Variants in CREB1 observed in about 807,000 individuals in gnomAD.
CREB1 encodes the protein cAMP responsive element binding protein 1, also known as cyclic AMP-responsive element-binding protein 1.
Under a neutral mutation model 42.0 loss-of-function variants are expected in CREB1, and 2 were observed. The observed-to-expected ratio is 0.05, with a 90% CI of 0.02 to 0.15. The LOEUF is 0.15. Ranked by LOEUF, CREB1 falls within the 10% of genes least tolerant of loss-of-function variation. The pLI is 1.00. For missense variants in CREB1, 199 were observed against 388.9 expected, an observed-to-expected ratio of 0.51 and a Z score of 4.11; for synonymous variants, 123 against 139.9, an observed-to-expected ratio of 0.88 and a Z score of 0.85.
intron 6 of CREB1, among the ~76,000 whole-genome samples, chr2:207,575,908 G>A (rs1574877079): frequency 8.7e-6 from 1 of 114,498 alleles, no homozygotes; most frequent in Non-Finnish European, 1.7e-5. Context: ...ACAATCTTCA[G>A]AAGTTCAGGA....
chr2:207,598,852 A>T lies in CREB1; in HGVS notation c.*1794A>T, dbSNP rs1315316850. 1.1e-4 allele frequency: 3 copies of T among 26,746 alleles called. No individual in the cohort carries two copies. The highest frequency in any genetic ancestry group is 1.9e-4 in the Non-Finnish European group (3 of 15,468). The allele number at this position is 26,746 out of a possible 1,614,324, so 1.7% of individuals were successfully genotyped here. On this transcript the variant is annotated 3_prime_UTR_variant, in exon 8 of 8. Transcript: ENST00000353267. Reference sequence around the variant, plus strand: ...GACTCCATCTCAAAAAATAAAAATAAAAAAAATGTCTCATTTGGGAAGGAA... The same window carrying T: ...GACTCCATCTCAAAAAATAAAAATATAAAAAATGTCTCATTTGGGAAGGAA...
intron 1 of CREB1, among the ~76,000 whole-genome samples, chr2:207,539,998 A>G (rs2081030637): frequency 6.6e-6 from 1 of 152,232 alleles, no homozygotes; most frequent in African/African-American, 2.4e-5. Context: ...CAGGAATACA[A>G]TGATAAATTG....
At chr2:207,535,691 C>G (rs1321514494) in intron 1 of CREB1, among the ~76,000 whole-genome samples, 1 of 151,826 alleles carries the variant, frequency 6.6e-6, no homozygotes. Context: ...TTTGGTCAAC[C>G]AGTTGGACCA....
At position 207,530,896 on chromosome 2, in the gene CREB1, C is replaced by G. The variant is rs74987085; in HGVS notation, c.-9+762C>G. Among the ~76,000 whole-genome samples the G allele has an allele frequency of 1.2e-3, 183 of 151,754 alleles. 1 individual carries two copies. The highest frequency in any genetic ancestry group is 4.1e-3 in the African/African-American group (168 of 41,434). ...TACACCGTTGAGGAAATGCTGCTTT[C>G]TGCCCTGTGTTGCTTAGTTGAGAGA... On this transcript the variant is annotated intron_variant, in intron 1 of 7. Transcript: ENST00000353267.
chr2:207,574,749 A>G (rs1367334348), intron 5 of CREB1, among the ~76,000 whole-genome samples: 1 of 152,222 alleles, frequency 6.6e-6, no homozygotes, highest in Admixed American at 6.5e-5. Context: ...AGATACCATT[A>G]AAGAATTTCT....
At chr2:207,552,433 C>G (rs2081544889) in intron 1 of CREB1, among the ~76,000 whole-genome samples, 1 of 151,872 alleles carries the variant, frequency 6.6e-6, no homozygotes, top group South Asian at 2.1e-4. Context: ...TAGGGTAAAA[C>G]TACGCATACC....
intron 1 of CREB1, among the ~76,000 whole-genome samples, chr2:207,543,801 C>T (rs2081193656): frequency 6.6e-6 from 1 of 152,092 alleles, no homozygotes; most frequent in Non-Finnish European, 1.5e-5. Flanking sequence ...GACAGGGTTT[C>T]ACCATGTTGG....
chr2:207,576,329 T>C (rs1008301594), intron 6 of CREB1, among the ~76,000 whole-genome samples: 4 of 151,460 alleles, frequency 2.6e-5, no homozygotes, highest in African/African-American at 9.7e-5. Flanking sequence ...TGGATTTGTT[T>C]GAATATTTCA....
At chr2:207,562,222 T>C (rs1574840201) in intron 3 of CREB1, among the ~76,000 whole-genome samples, 1 of 152,208 alleles carries the variant, frequency 6.6e-6, no homozygotes, top group Non-Finnish European at 1.5e-5. Flanking sequence ...TGAGGAGACC[T>C]AGATTCCAGA....
chr2:207,590,123 A>G (rs941855218), intron 7 of CREB1, among the ~76,000 whole-genome samples: 2 of 125,928 alleles, frequency 1.6e-5, no homozygotes, highest in Admixed American at 1.9e-4. Context: ...ATACGGGATC[A>G]TTCAGACTAT....
intron 7 of CREB1, among the ~76,000 whole-genome samples, chr2:207,588,297 ATT>A (rs1559068784): frequency 6.6e-6 from 1 of 152,076 alleles, no homozygotes; most frequent in Non-Finnish European, 1.5e-5. Flanking sequence ...TGAAAAGACT[ATT>A]CTTTCTCTAT....
chr2:207,542,605 T>C (rs1400375752), intron 1 of CREB1, among the ~76,000 whole-genome samples: 1 of 152,206 alleles, frequency 6.6e-6, no homozygotes, highest in African/African-American at 2.4e-5. Flanking sequence ...CTCCTGTGGG[T>C]TGTCTTCACT....
Position 207,604,467 on chromosome 2 carries a change from C to G in CREB1, c.*7409C>G, listed in dbSNP as rs979039292. On this transcript the variant is annotated 3_prime_UTR_variant, in exon 8 of 8. Transcript: ENST00000353267. ...TAATCAGTGTTATCCTTCTTCTTAACTGTGCGTCCTAATTTCTCCACATCT... is the reference window on the plus strand; with the variant it reads ...TAATCAGTGTTATCCTTCTTCTTAAGTGTGCGTCCTAATTTCTCCACATCT... 9.3e-5 allele frequency among the ~76,000 whole-genome samples: 11 copies of G among 118,666 alleles called. No individual in the cohort carries two copies. Among genetic ancestry groups the G allele is most frequent in the Middle Eastern group, 3.7e-3 (1 of 268 alleles). 77.8% of individuals were successfully genotyped at this position (118,666 alleles called of 152,430 possible). A position where few individuals can be genotyped will look rare whatever the true frequency, so the allele number is the denominator to read the frequency against.
rs1176810646 is a variant in CREB1 at position 207,599,254 on chromosome 2, T to G, written c.*2196T>G. The G allele has an allele frequency of 9.8e-6, 2 of 203,316 alleles. No homozygotes were observed. The highest frequency in any genetic ancestry group is 2.3e-5 in the African/African-American group (1 of 43,630). The allele number at this position is 203,316 out of a possible 1,614,324, so 12.6% of individuals were successfully genotyped here. On this transcript the variant is annotated 3_prime_UTR_variant, in exon 8 of 8. Coordinates refer to ENST00000353267, the MANE Select transcript of CREB1 (RefSeq NM_004379.5). ...TAAAAATTGTGTAACCGCATAGATA[T>G]GTCATTTTTAAAAACTGGTTTAACA...
intron 1 of CREB1, 113 bp from the exon 2 acceptor site, chr2:207,555,515 A>T: frequency 1.8e-6 from 1 of 544,550 alleles, no homozygotes; most frequent in Admixed American, 3.1e-5. Flanking sequence ...TTCTGAGTTC[A>T]TTTGGTAACC....
At chr2:207,538,847 G>GAGTT (rs1252292163) in intron 1 of CREB1, among the ~76,000 whole-genome samples, 2 of 152,138 alleles carry the variant, frequency 1.3e-5, no homozygotes, top group Non-Finnish European at 2.9e-5. Flanking sequence ...ATCTACTTGT[G>GAGTT]AGTTTTTGGT....
At chr2:207,593,438 G>A (rs2085465518) in intron 7 of CREB1, among the ~76,000 whole-genome samples, 1 of 152,180 alleles carries the variant, frequency 6.6e-6, no homozygotes, top group Non-Finnish European at 1.5e-5. Context: ...GTTGAGGCAG[G>A]AAGATCACTT....
intron 1 of CREB1, among the ~76,000 whole-genome samples, chr2:207,536,779 C>G (rs1013493862): frequency 6.6e-6 from 1 of 151,708 alleles, no homozygotes; most frequent in African/African-American, 2.4e-5. Flanking sequence ...CACTTGAGGC[C>G]AGGAGTTTGA....
At chr2:207,562,934 A>G (rs2082009167) in intron 3 of CREB1, among the ~76,000 whole-genome samples, 1 of 152,238 alleles carries the variant, frequency 6.6e-6, no homozygotes, top group Admixed American at 6.5e-5. Flanking sequence ...AAAAGACAGC[A>G]ATGAGCAAAT....
Sources: allele counts gnomAD v4.1 joint callset (sites outside exome capture counted in the v4.1 genomes callset), GRCh38; gene constraint gnomAD v4.1.1; transcripts MANE v1.5; gene names NCBI Gene and HGNC (gene_info 2026-07-23, HGNC 2026-07-21).